LRFN2: variants seen among roughly 807,000 people sequenced by gnomAD.
LRFN2 encodes the protein leucine-rich repeat and fibronectin type-III domain-containing protein 2.
LRFN2 carries 18 observed loss-of-function variants against 37.3 expected under a neutral mutation model. The observed-to-expected ratio is 0.48, with a 90% CI of 0.33 to 0.72. The LOEUF (loss-of-function observed/expected upper bound fraction) is 0.72, where lower values mean the gene tolerates loss of function less well. LRFN2 is among the 30% of genes least tolerant of loss of function. LRFN2 has a pLI of 0.02. For synonymous variants in LRFN2, 556 were observed against 466.6 expected, an observed-to-expected ratio of 1.19 and a Z score of -2.47; for missense variants, 1,006 against 1,060.7, an observed-to-expected ratio of 0.95 and a Z score of 0.72.
At chr6:40,456,823 C>A (rs1364617295) in intron 1 of LRFN2, among the ~76,000 whole-genome samples, 1 of 152,188 alleles carries the variant, frequency 6.6e-6, no homozygotes, top group Non-Finnish European at 1.5e-5. Flanking sequence ...AGTAGCTATG[C>A]TCCTTGGGTC....
At chr6:40,400,300 T>G (rs1762710844) in intron 2 of LRFN2, among the ~76,000 whole-genome samples, 1 of 151,896 alleles carries the variant, frequency 6.6e-6, no homozygotes, top group Non-Finnish European at 1.5e-5. Flanking sequence ...CAAGAGTGCT[T>G]TGCAAAATGT....
chr6:40,495,560 G>A (rs1041079025), intron 1 of LRFN2, among the ~76,000 whole-genome samples: 1 of 152,046 alleles, frequency 6.6e-6, no homozygotes, highest in African/African-American at 2.4e-5. Context: ...TCCTCATCTT[G>A]TCCACTCTCC....
At chr6:40,537,038 T>C (rs1029622882) in intron 1 of LRFN2, among the ~76,000 whole-genome samples, 1 of 152,218 alleles carries the variant, frequency 6.6e-6, no homozygotes, top group African/African-American at 2.4e-5. Flanking sequence ...AGGGTTGACA[T>C]ACCCTGCCAA....
At chr6:40,560,460 G>T (rs537575702) in intron 1 of LRFN2, among the ~76,000 whole-genome samples, 3 of 152,168 alleles carry the variant, frequency 2.0e-5, no homozygotes, top group South Asian at 2.1e-4. Context: ...GGCAGGCAAG[G>T]GTGTGCCTGA....
At chr6:40,562,831 T>TCTCA (rs1554144906) in intron 1 of LRFN2, among the ~76,000 whole-genome samples, 12 of 144,048 alleles carry the variant, frequency 8.3e-5, no homozygotes, top group African/African-American at 1.3e-4. Flanking sequence ...GTGCGTGCAC[T>TCTCA]CACTCACACA....
intron 1 of LRFN2, among the ~76,000 whole-genome samples, chr6:40,537,259 A>G (rs576318960): frequency 2.0e-5 from 3 of 152,344 alleles, no homozygotes; most frequent in South Asian, 4.1e-4. Context: ...AGGAACCCCA[A>G]TACTGGGAAT....
At chr6:40,394,921 G>A (rs1762582071) in intron 2 of LRFN2, among the ~76,000 whole-genome samples, 1 of 151,294 alleles carries the variant, frequency 6.6e-6, no homozygotes, top group Admixed American at 6.6e-5. Context: ...CCAGCCATGT[G>A]GAACTGTGAG....
chr6:40,410,101 G>C (rs528287987), intron 2 of LRFN2, among the ~76,000 whole-genome samples: 1 of 152,144 alleles, frequency 6.6e-6, no homozygotes, highest in African/African-American at 2.4e-5. Context: ...GCCCCACTCT[G>C]TCCAGCCAAG....
At chr6:40,467,772 A>C (rs935816499) in intron 1 of LRFN2, among the ~76,000 whole-genome samples, 2 of 152,144 alleles carry the variant, frequency 1.3e-5, no homozygotes, top group Non-Finnish European at 2.9e-5. Context: ...GCCTGTCTTC[A>C]GGGGACTCTT....
intron 1 of LRFN2, among the ~76,000 whole-genome samples, chr6:40,583,019 A>G (rs966992798): frequency 6.6e-6 from 1 of 152,266 alleles, no homozygotes; most frequent in East Asian, 1.9e-4. Context: ...TCCCCGTCTC[A>G]CTAATCCACC....
At chr6:40,463,153 C>G (rs1301764202) in intron 1 of LRFN2, among the ~76,000 whole-genome samples, 2 of 152,170 alleles carry the variant, frequency 1.3e-5, no homozygotes, top group East Asian at 3.9e-4. Context: ...GTGCAAGGAG[C>G]TTGGACCACC....
Position 40,558,059 on chromosome 6 carries a change from G to A in LRFN2, c.-19+28882C>T, listed in dbSNP as rs1199384828. On this transcript the variant is annotated intron_variant, in intron 1 of 2. Transcript: ENST00000338305. ...GGGGGTCCCTGATGTGGTGCTCTGT[G>A]GGCCTCCTGACTCCACGCACGTGAA... is the stretch of plus-strand genomic sequence containing the variant. Among the ~76,000 whole-genome samples, 7 of 152,184 alleles carry A rather than the reference G, an allele frequency of 4.6e-5. 1 individual carries two copies. In the South Asian group the frequency reaches 1.2e-3, roughly 27 times the overall value.
intron 1 of LRFN2, among the ~76,000 whole-genome samples, chr6:40,490,159 T>C (rs1397220742): frequency 6.6e-6 from 1 of 152,096 alleles, no homozygotes; most frequent in Non-Finnish European, 1.5e-5. Flanking sequence ...CAGGGTTCTG[T>C]GGAGGCCAGG....
intron 1 of LRFN2, among the ~76,000 whole-genome samples, chr6:40,475,066 A>G (rs1452816363): frequency 6.6e-6 from 1 of 152,172 alleles, no homozygotes; most frequent in Non-Finnish European, 1.5e-5. Context: ...GTAAACAGCC[A>G]CAGTGCACCC....
intron 1 of LRFN2, among the ~76,000 whole-genome samples, chr6:40,445,016 C>CA (rs1763936799): frequency 6.6e-6 from 1 of 152,086 alleles, no homozygotes; most frequent in Admixed American, 6.5e-5. Context: ...CTCACCCCCC[C>CA]AGGGACCTGC....
intron 1 of LRFN2, among the ~76,000 whole-genome samples, chr6:40,581,743 G>A (rs1047517599): frequency 6.6e-6 from 1 of 152,168 alleles, no homozygotes; most frequent in African/African-American, 2.4e-5. Context: ...TGCCTTCACT[G>A]CCATCATCCA....
chr6:40,450,332 C>T (rs1764075359), intron 1 of LRFN2, among the ~76,000 whole-genome samples: 1 of 152,250 alleles, frequency 6.6e-6, no homozygotes, highest in Non-Finnish European at 1.5e-5. Context: ...GTATTGCCAG[C>T]TCCTGGCCCA....
At chr6:40,531,735 T>C (rs537728743) in intron 1 of LRFN2, among the ~76,000 whole-genome samples, 1 of 152,118 alleles carries the variant, frequency 6.6e-6, no homozygotes, top group South Asian at 2.1e-4. Context: ...ATCCATAGCT[T>C]CTCCATCTCC....
At chr6:40,586,197 G>T (rs114985138) in intron 1 of LRFN2, among the ~76,000 whole-genome samples, 462 of 152,284 alleles carry the variant, frequency 3.0e-3, no homozygotes, top group African/African-American at 0.011. Context: ...TGTCCACCTC[G>T]GAACGGTCTA....
Sources: allele counts gnomAD v4.1 joint callset (sites outside exome capture counted in the v4.1 genomes callset), GRCh38; gene constraint gnomAD v4.1.1; transcripts MANE v1.5; gene names NCBI Gene and HGNC (gene_info 2026-07-23, HGNC 2026-07-21).